The following SH3RF3 variants were observed in gnomAD, a reference collection of about 807,000 sequenced individuals.
SH3RF3 encodes SH3 domain containing ring finger 3, also known as E3 ubiquitin-protein ligase SH3RF3.
A neutral mutation model predicts 66.3 loss-of-function variants in SH3RF3; 29 were observed. The observed-to-expected ratio is 0.44, with a 90% CI of 0.33 to 0.60. The LOEUF is 0.60. Ranked by LOEUF, SH3RF3 falls within the 20% of genes least tolerant of loss-of-function variation. The probability of loss-of-function intolerance (pLI) is 0.04; values close to 1 mark genes in which losing one functional copy is unlikely to be tolerated. For missense variants in SH3RF3, 1,194 were observed against 1,190.9 expected (o/e 1.00, Z -0.04); for synonymous variants, 583 against 532.0 (o/e 1.10, Z -1.32).
intron 1 of SH3RF3, among the ~76,000 whole-genome samples, chr2:109,212,442 A>G (rs1679008286): frequency 6.6e-6 from 1 of 152,220 alleles, no homozygotes; most frequent in Non-Finnish European, 1.5e-5. Flanking sequence ...AAACAATACA[A>G]AAGTCTCAAA....
intron 1 of SH3RF3, among the ~76,000 whole-genome samples, chr2:109,274,755 T>A (rs1680712954): frequency 6.6e-6 from 1 of 152,182 alleles, no homozygotes; most frequent in Non-Finnish European, 1.5e-5. Context: ...ATTAAATTGT[T>A]CACTTTAAAA....
At chr2:109,384,277 G>A (rs558088646) in intron 3 of SH3RF3, among the ~76,000 whole-genome samples, 9 of 152,292 alleles carry the variant, frequency 5.9e-5, no homozygotes, top group South Asian at 4.1e-4. Context: ...ACACAACAGC[G>A]AAGAAAAGCA....
chr2:109,429,224 C>T (rs184168491), intron 5 of SH3RF3, among the ~76,000 whole-genome samples: 12 of 152,252 alleles, frequency 7.9e-5, no homozygotes, highest in African/African-American at 1.9e-4. Flanking sequence ...GACCCCCACC[C>T]GGGCCAAGGC....
chr2:109,262,773 T>C (rs1272941859), intron 1 of SH3RF3, among the ~76,000 whole-genome samples: 1 of 152,222 alleles, frequency 6.6e-6, no homozygotes, highest in Non-Finnish European at 1.5e-5. Context: ...ATATTACATT[T>C]ATATATGTAA....
At chr2:109,184,672 G>T (rs1419615267) in intron 1 of SH3RF3, among the ~76,000 whole-genome samples, 1 of 152,190 alleles carries the variant, frequency 6.6e-6, no homozygotes, top group Non-Finnish European at 1.5e-5. Context: ...CCCACACTGG[G>T]CTGCCTGCTT....
intron 1 of SH3RF3, among the ~76,000 whole-genome samples, chr2:109,135,304 T>G (rs1676790134): frequency 6.6e-6 from 1 of 152,088 alleles, no homozygotes; most frequent in African/African-American, 2.4e-5. Flanking sequence ...GCCTGCCACC[T>G]CCCCCAGGAC....
intron 1 of SH3RF3, among the ~76,000 whole-genome samples, chr2:109,146,386 C>T (rs1024229561): frequency 1.1e-4 from 16 of 152,180 alleles, no homozygotes; most frequent in African/African-American, 3.9e-4. Context: ...ACTAATCACT[C>T]CTCTGTATCA....
intron 1 of SH3RF3, among the ~76,000 whole-genome samples, chr2:109,133,382 T>C (rs900895920): frequency 3.3e-5 from 5 of 152,246 alleles, no homozygotes; most frequent in African/African-American, 9.6e-5. Flanking sequence ...GAGAAAATAA[T>C]TTAAGTTGGA....
chr2:109,228,447 T>C (rs1327397464), intron 1 of SH3RF3, among the ~76,000 whole-genome samples: 2 of 152,190 alleles, frequency 1.3e-5, no homozygotes, highest in Non-Finnish European at 1.5e-5. Flanking sequence ...TGATACCAGA[T>C]GTGTGTGGGG....
intron 1 of SH3RF3, among the ~76,000 whole-genome samples, chr2:109,163,173 C>T (rs2104915217): frequency 6.6e-6 from 1 of 152,304 alleles, no homozygotes; most frequent in African/African-American, 2.4e-5. Context: ...GAACTGAGCT[C>T]ACCCCCGAGG....
Position 109,503,317 on chromosome 2 carries a change from C to A in SH3RF3, c.*1646C>A, listed in dbSNP as rs115463806. ...AGGGATGTAACCAATTCCAGAAATACATTCTTTTGCCTGGCATGAAGACTT... is the reference window on the plus strand; with the variant it reads ...AGGGATGTAACCAATTCCAGAAATAAATTCTTTTGCCTGGCATGAAGACTT... On this transcript the variant is annotated 3_prime_UTR_variant, in exon 10 of 10. Transcript: ENST00000309415. The A allele has an allele frequency of 6.6e-6, 1 of 152,114 alleles. No individual in the cohort carries two copies. Among genetic ancestry groups the A allele is most frequent in the Non-Finnish European group, 1.5e-5 (1 of 68,034 alleles). 9.4% of individuals were successfully genotyped at this position (152,114 alleles called of 1,614,324 possible). A position where few individuals can be genotyped will look rare whatever the true frequency, so the allele number is the denominator to read the frequency against.
At chr2:109,259,925 G>A (rs1264092976) in intron 1 of SH3RF3, among the ~76,000 whole-genome samples, 1 of 152,152 alleles carries the variant, frequency 6.6e-6, no homozygotes, top group Non-Finnish European at 1.5e-5. Context: ...GTGCACAACA[G>A]GGGCTCTGCA....
intron 1 of SH3RF3, among the ~76,000 whole-genome samples, chr2:109,325,525 T>A (rs931750702): frequency 5.9e-5 from 9 of 151,752 alleles, no homozygotes; most frequent in Non-Finnish European, 1.0e-4. Flanking sequence ...CTTTCTTGGT[T>A]CCCCGCTTCC....
intron 8 of SH3RF3, among the ~76,000 whole-genome samples, chr2:109,477,490 G>A (rs1047546870): frequency 5.3e-5 from 8 of 152,184 alleles, no homozygotes; most frequent in Admixed American, 3.9e-4. Context: ...GCCCCCTCCC[G>A]CCAGACACAT....
At chr2:109,231,284 G>T (rs1679508843) in intron 1 of SH3RF3, among the ~76,000 whole-genome samples, 1 of 152,258 alleles carries the variant, frequency 6.6e-6, no homozygotes, top group African/African-American at 2.4e-5. Context: ...GAATTGGTGG[G>T]TGGATGTGGG....
chr2:109,191,539 G>A (rs1574495257), intron 1 of SH3RF3, among the ~76,000 whole-genome samples: 3 of 152,346 alleles, frequency 2.0e-5, no homozygotes, highest in South Asian at 4.1e-4. Flanking sequence ...CCTCCTGAGA[G>A]TCTGCTCAGG....
intron 1 of SH3RF3, among the ~76,000 whole-genome samples, chr2:109,238,117 T>C (rs922859044): frequency 2.0e-5 from 3 of 152,194 alleles, no homozygotes; most frequent in African/African-American, 7.2e-5. Context: ...GGAGCATTTC[T>C]TGAGCCTTGG....
chr2:109,214,190 C>G (rs1234526038), intron 1 of SH3RF3, among the ~76,000 whole-genome samples: 2 of 152,096 alleles, frequency 1.3e-5, no homozygotes, highest in Non-Finnish European at 2.9e-5. Flanking sequence ...AAGACGCAGA[C>G]TGGAAGTGAC....
chr2:109,470,784 G>A (rs1678483418), intron 8 of SH3RF3, among the ~76,000 whole-genome samples: 1 of 152,250 alleles, frequency 6.6e-6, no homozygotes, highest in Admixed American at 6.5e-5. Flanking sequence ...CCACAGCTTA[G>A]AGAGACCCTT....
Sources: allele counts gnomAD v4.1 joint callset (sites outside exome capture counted in the v4.1 genomes callset), GRCh38; gene constraint gnomAD v4.1.1; transcripts MANE v1.5; gene names NCBI Gene and HGNC (gene_info 2026-07-23, HGNC 2026-07-21).